The following NEDD4 variants were observed in gnomAD, a reference collection of about 807,000 sequenced individuals.
The protein encoded by NEDD4 is NEDD4 E3 ubiquitin protein ligase, also known as E3 ubiquitin-protein ligase NEDD4.
In NEDD4, 99 loss-of-function variants were observed where a neutral mutation model predicts 144.9. The observed-to-expected ratio is 0.68, with a 90% CI of 0.58 to 0.81. The LOEUF (loss-of-function observed/expected upper bound fraction) is 0.81, where lower values mean the gene tolerates loss of function less well. Ranked by LOEUF, NEDD4 falls within the 30% of genes least tolerant of loss-of-function variation. The pLI, the probability that NEDD4 is intolerant of heterozygous loss-of-function variation, is 0.00. For synonymous variants in NEDD4, 318 were observed against 350.6 expected (o/e 0.91, Z 1.04); for missense variants, 985 against 1,065.9 (o/e 0.92, Z 1.06).
rs1234361785 is a variant in NEDD4 at position 55,878,862 on chromosome 15, G to A, written c.292-4854C>T. On this transcript the variant is annotated intron_variant, in intron 5 of 28. Transcript: ENST00000435532. ...TTTGAGACGGAGTTTCGCTCTTGTC[G>A]CCCAGGCTGGGGTGCAATGGCGCGA... Among the ~76,000 whole-genome samples the A allele has an allele frequency of 1.8e-4, 27 of 152,264 alleles. 1 individual carries two copies. The highest frequency in any genetic ancestry group is 8.5e-4 in the Admixed American group (13 of 15,290).
At chr15:55,868,795 A>ATC (rs1270668662) in intron 8 of NEDD4, among the ~76,000 whole-genome samples, 1 of 152,172 alleles carries the variant, frequency 6.6e-6, no homozygotes, top group Non-Finnish European at 1.5e-5. Context: ...AGGGAACCTC[A>ATC]ACGAGCAGGT....
chr15:55,869,862 T>TATAA (rs778928932), intron 7 of NEDD4, among the ~76,000 whole-genome samples, 181 bp from the exon 8 acceptor site: 2,020 of 79,580 alleles, frequency 0.025, 48 homozygotes, highest in African/African-American at 0.07. Context: ...GGCAAACATA[T>TATAA]ATAAATAAAT....
At chr15:55,863,951 C>T (rs1233712633) in intron 8 of NEDD4, among the ~76,000 whole-genome samples, 7 of 152,208 alleles carry the variant, frequency 4.6e-5, no homozygotes, top group Non-Finnish European at 5.9e-5. Flanking sequence ...TTCTCTCTTT[C>T]TCCTCTGGAC....
intron 4 of NEDD4, among the ~76,000 whole-genome samples, chr15:55,926,941 C>T (rs1228094261): frequency 3.3e-5 from 5 of 151,304 alleles, no homozygotes; most frequent in Non-Finnish European, 7.4e-5. Context: ...CTGGGTGTGG[C>T]GGCAGGCACC....
intron 5 of NEDD4, among the ~76,000 whole-genome samples, chr15:55,920,633 T>G (rs1251150590): frequency 6.6e-6 from 1 of 152,254 alleles, no homozygotes; most frequent in Admixed American, 6.5e-5. Flanking sequence ...TAAAGTTGTT[T>G]CTGCTTAATA....
rs74941688 is a variant in NEDD4 at position 55,898,577 on chromosome 15, C to A, written c.292-24569G>T. Among the ~76,000 whole-genome samples, 1,368 of 151,900 alleles carry A rather than the reference C, an allele frequency of 9.0e-3. 11 individuals are homozygous for A. Among genetic ancestry groups the A allele is most frequent in the African/African-American group, 0.029 (1,198 of 41,412 alleles). ...TTCTTTGTCTTCCTTGCCTAGACTG[C>A]CCTATCAGAAGTTGGGATAATATCT... On this transcript the variant is annotated intron_variant, in intron 5 of 28. Coordinates refer to ENST00000435532, the MANE Select transcript of NEDD4 (RefSeq NM_006154.4).
chr15:55,932,137 C>T (rs1334172390), intron 4 of NEDD4, among the ~76,000 whole-genome samples: 4 of 152,066 alleles, frequency 2.6e-5, no homozygotes, highest in Admixed American at 6.5e-5. Flanking sequence ...ATCATGGGGG[C>T]GGTTACCTGC....
At chr15:55,947,967 A>G (rs1298195723) in intron 4 of NEDD4, among the ~76,000 whole-genome samples, 1 of 152,064 alleles carries the variant, frequency 6.6e-6, no homozygotes, top group Non-Finnish European at 1.5e-5. Flanking sequence ...TCAGGCAGGA[A>G]AAAGAAATAA....
At chr15:55,846,927 T>C (rs1320542345) in intron 18 of NEDD4, 42 bp downstream of exon 18, 1 of 1,197,280 alleles carries the variant, frequency 8.4e-7, no homozygotes, top group Non-Finnish European at 1.2e-6. Context: ...TTTCCATCTA[T>C]ATATTGATGA....
intron 1 of NEDD4, among the ~76,000 whole-genome samples, chr15:55,977,418 A>G (rs2142349419): frequency 6.6e-6 from 1 of 152,354 alleles, no homozygotes; most frequent in South Asian, 2.1e-4. Flanking sequence ...ACACTCTATG[A>G]CATTTGCACA....
intron 5 of NEDD4, among the ~76,000 whole-genome samples, chr15:55,882,021 C>T (rs2142093173): frequency 6.6e-6 from 1 of 152,288 alleles, no homozygotes; most frequent in Non-Finnish European, 1.5e-5. Flanking sequence ...AGAACCACTG[C>T]TACAGAAGGT....
intron 5 of NEDD4, among the ~76,000 whole-genome samples, chr15:55,894,047 A>C (rs2035658717): frequency 1.3e-5 from 2 of 152,114 alleles, no homozygotes; most frequent in South Asian, 4.1e-4. Flanking sequence ...TAAACAATTT[A>C]ATCTGTGCTA....
chr15:55,888,780 C>A (rs1453552423), intron 5 of NEDD4, among the ~76,000 whole-genome samples: 2 of 152,056 alleles, frequency 1.3e-5, no homozygotes, highest in African/African-American at 4.8e-5. Context: ...GAATAGAGAA[C>A]CCAGAAACAA....
chr15:55,832,118 G>C (rs1271131719), intron 27 of NEDD4, among the ~76,000 whole-genome samples: 1 of 149,268 alleles, frequency 6.7e-6, no homozygotes, highest in Non-Finnish European at 1.5e-5. Flanking sequence ...AGTCTTCCCA[G>C]TCCTGCTGCC....
At position 55,828,293 on chromosome 15, in the gene NEDD4, A is replaced by T. The variant is rs1284314032; in HGVS notation, c.*1604T>A. The T allele has an allele frequency of 6.6e-6, 1 of 151,932 alleles. No homozygotes were observed. The highest frequency in any genetic ancestry group is 6.6e-5 in the Admixed American group (1 of 15,232). The allele number at this position is 151,932 out of a possible 1,614,324, so 9.4% of individuals were successfully genotyped here. A position where few individuals can be genotyped will look rare whatever the true frequency, so the allele number is the denominator to read the frequency against. ...TTTTTACAGTTCTCACAGGGTGTGT[A>T]TATATATATATTTAAGAAGATTCGT... is the stretch of plus-strand genomic sequence containing the variant. On this transcript the variant is annotated 3_prime_UTR_variant, in exon 29 of 29. Coordinates refer to ENST00000435532, the MANE Select transcript of NEDD4 (RefSeq NM_006154.4).
chr15:55,973,495 T>G (rs2037646995), intron 1 of NEDD4, among the ~76,000 whole-genome samples: 1 of 152,104 alleles, frequency 6.6e-6, no homozygotes. Flanking sequence ...GCCATGACTG[T>G]GCCACTGCAG....
chr15:55,913,082 A>C lies in NEDD4; in HGVS notation c.291+11564T>G, dbSNP rs146804100. Among the ~76,000 whole-genome samples, 5 of 152,266 alleles carry C rather than the reference A, an allele frequency of 3.3e-5. No individual in the cohort carries two copies. In the East Asian group the frequency reaches 9.6e-4, roughly 29 times the overall value. ...AGAGACTGGTAGCTAAACATATAAG[A>C]AAAGAAGTTGTAGACTCTCAGTGCT... On this transcript the variant is annotated intron_variant, in intron 5 of 28. Transcript: ENST00000435532.
intron 5 of NEDD4, among the ~76,000 whole-genome samples, chr15:55,885,995 CAA>C (rs1314962097): frequency 6.7e-6 from 1 of 150,076 alleles, no homozygotes; most frequent in Non-Finnish European, 1.5e-5. Flanking sequence ...AGACTAAAAA[CAA>C]AGGGATGGAA....
At chr15:55,834,503 C>T (rs1438612637) in intron 24 of NEDD4, among the ~76,000 whole-genome samples, 1 of 148,854 alleles carries the variant, frequency 6.7e-6, no homozygotes, top group Admixed American at 6.8e-5. Flanking sequence ...ATTTTTAAAA[C>T]TTCCTGTGGC....
Sources: gnomAD v4.1 joint callset for allele counts (sites outside exome capture counted in the v4.1 genomes callset) on GRCh38, gnomAD v4.1.1 for gene constraint, MANE v1.5 for transcripts, NCBI Gene and HGNC (gene_info 2026-07-23, HGNC 2026-07-21) for gene names.